CSMD1: variants seen among roughly 807,000 people sequenced by gnomAD.
The protein encoded by CSMD1 is CUB and sushi domain-containing protein 1.
CSMD1 carries 213 observed loss-of-function variants against 417.5 expected under a neutral mutation model. The observed-to-expected ratio is 0.51, with a 90% CI of 0.46 to 0.57. The LOEUF is 0.57. CSMD1 is among the 20% of genes least tolerant of loss of function. The probability of loss-of-function intolerance (pLI) is 0.00; values close to 1 mark genes in which losing one functional copy is unlikely to be tolerated. For synonymous variants in CSMD1, 2,862 were observed against 1,736.8 expected, an observed-to-expected ratio of 1.65 and a Z score of -16.11; for missense variants, 6,923 against 4,529.7, an observed-to-expected ratio of 1.53 and a Z score of -15.17.
At chr8:3,564,235 G>C (rs1212617276) in intron 10 of CSMD1, among the ~76,000 whole-genome samples, 2 of 151,916 alleles carry the variant, frequency 1.3e-5, no homozygotes, top group East Asian at 1.9e-4. Flanking sequence ...TTGAATACTA[G>C]AATTTTTTCC....
At chr8:4,571,447 C>A (rs1719832372) in intron 2 of CSMD1, among the ~76,000 whole-genome samples, 1 of 152,106 alleles carries the variant, frequency 6.6e-6, no homozygotes, top group African/African-American at 2.4e-5. Flanking sequence ...GTAGTTGATG[C>A]AGTTTTGAGT....
chr8:4,603,225 TTC>T (rs1800689655), intron 2 of CSMD1, among the ~76,000 whole-genome samples: 1 of 152,056 alleles, frequency 6.6e-6, no homozygotes, highest in African/African-American at 2.4e-5. Flanking sequence ...TAGAAGAAAA[TTC>T]TCTTTTCTTG....
At chr8:4,790,930 T>C (rs528137169) in intron 1 of CSMD1, among the ~76,000 whole-genome samples, 20 of 152,280 alleles carry the variant, frequency 1.3e-4, no homozygotes, top group African/African-American at 4.6e-4. Context: ...TGGCAAAGAC[T>C]TAACGGCAAA....
chr8:4,925,633 G>A (rs534359895), intron 1 of CSMD1, among the ~76,000 whole-genome samples: 14 of 150,872 alleles, frequency 9.3e-5, no homozygotes, highest in Non-Finnish European at 1.9e-4. Context: ...TGCAAGCTCT[G>A]CCTCCCGGGT....
intron 25 of CSMD1, among the ~76,000 whole-genome samples, chr8:3,307,270 G>C (rs919585850): frequency 5.9e-5 from 9 of 151,936 alleles, no homozygotes; most frequent in African/African-American, 2.2e-4. Context: ...CCTGCTGCAG[G>C]AACAGAAGCC....
intron 2 of CSMD1, among the ~76,000 whole-genome samples, chr8:4,633,807 C>T (rs532242802): frequency 7.9e-5 from 12 of 151,804 alleles, no homozygotes; most frequent in South Asian, 4.2e-4. Flanking sequence ...GTGATCCACC[C>T]GCCTTAGCCT....
chr8:4,394,187 G>C (rs1563127504), intron 3 of CSMD1, among the ~76,000 whole-genome samples: 2 of 152,114 alleles, frequency 1.3e-5, no homozygotes, highest in Admixed American at 6.5e-5. Flanking sequence ...TCTGTGTGTT[G>C]TATACTTCTG....
chr8:4,453,648 C>G (rs1799286835), intron 2 of CSMD1, among the ~76,000 whole-genome samples: 2 of 151,980 alleles, frequency 1.3e-5, no homozygotes, highest in Non-Finnish European at 2.9e-5. Context: ...ATGTGTATCT[C>G]TAGCCCCCGA....
chr8:3,210,439 A>G (rs1207800350), intron 30 of CSMD1, among the ~76,000 whole-genome samples: 2 of 149,896 alleles, frequency 1.3e-5, no homozygotes, highest in East Asian at 3.9e-4. Context: ...ATATAGGAAT[A>G]TACATATATA....
intron 5 of CSMD1, among the ~76,000 whole-genome samples, chr8:3,915,330 C>A (rs1223317551): frequency 6.8e-6 from 1 of 147,352 alleles, no homozygotes; most frequent in Non-Finnish European, 1.5e-5. Context: ...CATTTGAACC[C>A]AGGAAGCGGA....
At chr8:3,792,614 A>G (rs1799813398) in intron 5 of CSMD1, among the ~76,000 whole-genome samples, 1 of 152,162 alleles carries the variant, frequency 6.6e-6, no homozygotes, top group South Asian at 2.1e-4. Context: ...TCACCCTCAG[A>G]CAAATCATGA....
At chr8:4,219,606 C>A (rs941972896) in intron 3 of CSMD1, among the ~76,000 whole-genome samples, 4 of 152,246 alleles carry the variant, frequency 2.6e-5, no homozygotes, top group African/African-American at 9.6e-5. Context: ...TTGGCTCCAA[C>A]CCAAAAAACA....
At chr8:3,823,500 G>C (rs1047506816) in intron 5 of CSMD1, among the ~76,000 whole-genome samples, 2 of 152,080 alleles carry the variant, frequency 1.3e-5, no homozygotes, top group Non-Finnish European at 2.9e-5. Context: ...TTTAGCTTAT[G>C]CTTGAATCAA....
intron 3 of CSMD1, among the ~76,000 whole-genome samples, chr8:4,311,595 C>A (rs6995802): frequency 3.3e-5 from 5 of 151,348 alleles, no homozygotes; most frequent in African/African-American, 9.7e-5. Context: ...TGGTTGTGGG[C>A]GCCTGTAGTC....
chr8:4,983,347 C>G (rs1811000407), intron 1 of CSMD1, among the ~76,000 whole-genome samples: 2 of 152,082 alleles, frequency 1.3e-5, no homozygotes, highest in African/African-American at 2.4e-5. Context: ...TGGCTGGAAT[C>G]AAGTATATTA....
intron 1 of CSMD1, among the ~76,000 whole-genome samples, chr8:4,716,166 C>A (rs760487026): frequency 2.0e-5 from 3 of 152,142 alleles, no homozygotes; most frequent in Non-Finnish European, 2.9e-5. Flanking sequence ...CACACTTCAG[C>A]GAGGAATCCC....
rs764778060 is a variant in CSMD1 at position 2,963,245 on chromosome 8, T to C, written c.9431A>G (p.Lys3144Arg). Residue 3144 changes from lysine (K) to arginine (R), a missense_variant, in exon 60 of 70, where the codon AAA (lysine) becomes AGA (arginine). Transcript: ENST00000635120. ...ACGGAGACACTGGGGGATCTCTCCTTTCCACACCCCGCGACCTTCACAGGA... is the reference window on the plus strand; with the variant it reads ...ACGGAGACACTGGGGGATCTCTCCTCTCCACACCCCGCGACCTTCACAGGA... ...ILSCEGRGVW[K>R]GEIPQCLPVF... 6 of 1,613,880 alleles carry C rather than the reference T, an allele frequency of 3.7e-6. No individual in the cohort carries two copies. Among genetic ancestry groups the C allele is most frequent in the Non-Finnish European group, 3.4e-6 (4 of 1,179,860 alleles).
At chr8:3,248,571 CCAGCCTGGAGTA>C (rs1235136417) in intron 26 of CSMD1, among the ~76,000 whole-genome samples, 1 of 128,280 alleles carries the variant, frequency 7.8e-6, no homozygotes, top group Non-Finnish European at 1.6e-5. Flanking sequence ...GCTCTGTCGC[CCAGCCTGGAGTA>C]CAGTGGCGCG....
At chr8:4,373,723 C>A (rs1257621714) in intron 3 of CSMD1, among the ~76,000 whole-genome samples, 4 of 152,026 alleles carry the variant, frequency 2.6e-5, no homozygotes, top group Admixed American at 2.0e-4. Context: ...GTCATCTTTC[C>A]CTCCGGGGAA....
Sources: gnomAD v4.1 joint callset for allele counts (sites outside exome capture counted in the v4.1 genomes callset) on GRCh38, gnomAD v4.1.1 for gene constraint, MANE v1.5 for transcripts, NCBI Gene and HGNC (gene_info 2026-07-23, HGNC 2026-07-21) for gene names.